FAM72B: variants seen among roughly 807,000 people sequenced by gnomAD.
FAM72B encodes protein FAM72B.
Under a neutral mutation model 12.6 loss-of-function variants are expected in FAM72B, and 4 were observed. That is an observed-to-expected ratio of 0.32 (90% CI 0.16 to 0.73). The LOEUF is 0.73. FAM72B is among the 30% of genes least tolerant of loss of function. The pLI, the probability that FAM72B is intolerant of heterozygous loss-of-function variation, is 0.67. For missense variants in FAM72B, 61 were observed against 158.4 expected (o/e 0.39, Z 3.30); for synonymous variants, 13 against 53.9 (o/e 0.24, Z 3.32).
intron 2 of FAM72B, among the ~76,000 whole-genome samples, chr1:121,180,023 C>T (rs1330793816): frequency 1.1e-5 from 1 of 88,322 alleles, no homozygotes; most frequent in Non-Finnish European, 2.0e-5. Context: ...TTAGGATTGT[C>T]ATTTATAATA....
chr1:121,168,483 TC>T lies in FAM72B; in HGVS notation c.*257del, dbSNP rs1654017245. ...AACTGAGTGATATGTGAAAGAATCT[TC>T]CCGTCTGAATTTAAGAATACACCTA... On this transcript the variant is annotated 3_prime_UTR_variant, in exon 4 of 4. Transcript: ENST00000369390. 1 of 279,302 alleles carries T rather than the reference TC, an allele frequency of 3.6e-6. No individual in the cohort carries two copies. Among genetic ancestry groups the T allele is most frequent in the Non-Finnish European group, 6.7e-6 (1 of 149,248 alleles). 17.3% of individuals were successfully genotyped at this position (279,302 alleles called of 1,614,324 possible).
intron 2 of FAM72B, among the ~76,000 whole-genome samples, chr1:121,180,985 T>C (rs1450970664): frequency 3.3e-5 from 5 of 152,198 alleles, no homozygotes; most frequent in African/African-American, 4.8e-5. Flanking sequence ...AAACATGGTT[T>C]TTATTATTGT....
In FAM72B at chr1:121,179,780, A is replaced by T. The variant is rs1419449063; in HGVS notation, c.230+1491T>A. On this transcript the variant is annotated intron_variant, in intron 2 of 3. Transcript: ENST00000369390. ...GAGGCGGAGGTTGCAGTAAGCTGAG[A>T]TCGTGCCACTGCACTCTAGCCTGGG... 7.0e-5 allele frequency among the ~76,000 whole-genome samples: 10 copies of T among 143,532 alleles called. No individual in the cohort carries two copies. The East Asian group carries it at 2.1e-3, about 30-fold the overall frequency. 94.2% of individuals were successfully genotyped at this position (143,532 alleles called of 152,430 possible). A position where few individuals can be genotyped will look rare whatever the true frequency, so the allele number is the denominator to read the frequency against.
intron 2 of FAM72B, among the ~76,000 whole-genome samples, chr1:121,179,336 C>T (rs1291414082): frequency 1.3e-5 from 2 of 151,994 alleles, no homozygotes; most frequent in Non-Finnish European, 2.9e-5. Context: ...CAAGATCATG[C>T]CATTGCACTC....
intron 3 of FAM72B, among the ~76,000 whole-genome samples, chr1:121,170,164 T>A (rs1175224937): frequency 2.0e-5 from 3 of 150,622 alleles, no homozygotes; most frequent in Non-Finnish European, 4.4e-5. Flanking sequence ...AGAGATGGGG[T>A]TTCACCACGT....
intron 3 of FAM72B, among the ~76,000 whole-genome samples, chr1:121,170,182 G>T (rs1315920763): frequency 6.7e-6 from 1 of 149,530 alleles, no homozygotes; most frequent in African/African-American, 2.5e-5. Flanking sequence ...CGTTGGTCAG[G>T]GTGGTCTTGA....
chr1:121,183,675 T>C lies in FAM72B; in HGVS notation c.-186A>G. On this transcript the variant is annotated 5_prime_UTR_variant, in exon 1 of 4. Transcript: ENST00000369390. ...GGTGGCGGAGTAGAAGAAGTATTTA[T>C]TGAGTAGGAACAGGGGAGCGTGGCA... 1.1e-6 allele frequency: 1 copy of C among 937,298 alleles called. No homozygotes were observed. Among genetic ancestry groups the C allele is most frequent in the Non-Finnish European group, 1.6e-6 (1 of 634,172 alleles). 58.1% of individuals were successfully genotyped at this position (937,298 alleles called of 1,614,324 possible). A position where few individuals can be genotyped will look rare whatever the true frequency, so the allele number is the denominator to read the frequency against.
At chr1:121,179,827 TAAA>T (rs1278412357) in intron 2 of FAM72B, among the ~76,000 whole-genome samples, 1 of 123,516 alleles carries the variant, frequency 8.1e-6, no homozygotes, top group Non-Finnish European at 1.7e-5. Flanking sequence ...AACTCCGTCT[TAAA>T]AAAAAAAAAA....
At position 121,168,776 on chromosome 1, in the gene FAM72B, C is replaced by T. The variant is rs782083122; in HGVS notation, c.415G>A (p.Val139Met). The T allele has an allele frequency of 1.2e-6, 2 of 1,604,574 alleles. No homozygotes were observed. Among genetic ancestry groups the T allele is most frequent in the East Asian group, 4.5e-5 (2 of 44,730 alleles). The change falls in exon 4 of 4, where the codon GTG becomes ATG. Residue 139 changes from valine (V) to methionine (M), a missense_variant. Transcript: ENST00000369390. The stretch of plus-strand genomic sequence containing the variant: ...CACTCCTCTGCTGAGATATTTAACA[C>T]ATCTTCATCTGTACTCTCTTCTATC... ...PEIEESTDED[V>M]LNISAEECIR
Position 121,183,403 on chromosome 1 carries a change from TC to T in FAM72B, c.86del (p.Gly29GlufsTer2), listed in dbSNP as rs1654377943. ...TATCAGCCAGCAAAACAGCCTTCAT[TC>T]CCCTAGAGCTGAGCACTTGTTTACA... ...KFCKQVLSSR[G>X]MKAVLLADTE... On this transcript the variant is annotated frameshift_variant, in exon 1 of 4. Transcript: ENST00000369390. LOFTEE classifies it high-confidence loss of function. 6.5e-7 allele frequency: 1 copy of T among 1,530,260 alleles called. No homozygotes were observed. Among genetic ancestry groups the T allele is most frequent in the African/African-American group, 1.7e-5 (1 of 59,544 alleles). The allele number at this position is 1,530,260 out of a possible 1,614,324, so 94.8% of individuals were successfully genotyped here. A position where few individuals can be genotyped will look rare whatever the true frequency, so the allele number is the denominator to read the frequency against.
chr1:121,177,276 CAGGA>C lies in FAM72B; in HGVS notation c.283_286del (p.Ser95AlafsTer20), dbSNP rs2101325942. On this transcript the variant is annotated frameshift_variant, in exon 3 of 4. Coordinates refer to ENST00000369390, the MANE Select transcript of FAM72B (RefSeq NM_001100910.2). LOFTEE classifies it high-confidence loss of function. ...AAACATCCAGAAGTGTCCGTTGTTGCAGGAAGGAAGACAGGAACTACATGGAACA... is the reference window on the plus strand; with the variant it reads ...AAACATCCAGAAGTGTCCGTTGTTGCAGGAAGACAGGAACTACATGGAACA... 6.2e-7 allele frequency: 1 copy of C among 1,611,744 alleles called. No homozygotes were observed. Among genetic ancestry groups the C allele is most frequent in the African/African-American group, 1.3e-5 (1 of 74,862 alleles).
At chr1:121,170,052 C>A (rs184107015) in intron 3 of FAM72B, among the ~76,000 whole-genome samples, 13 of 152,152 alleles carry the variant, frequency 8.5e-5, no homozygotes, top group Admixed American at 7.2e-4. Context: ...CTCACTGCAA[C>A]CTCTGCCTCC....
chr1:121,180,853 C>T (rs1553317539), intron 2 of FAM72B, among the ~76,000 whole-genome samples: 1 of 152,008 alleles, frequency 6.6e-6, no homozygotes, highest in Non-Finnish European at 1.5e-5. Context: ...TATGAGACCC[C>T]TCTAAAAACA....
intron 3 of FAM72B, among the ~76,000 whole-genome samples, chr1:121,172,749 T>G (rs1424131874): frequency 1.4e-5 from 1 of 71,810 alleles, no homozygotes; most frequent in Non-Finnish European, 2.5e-5. Context: ...GGTGACAGAA[T>G]GACTCCATCT....
intron 2 of FAM72B, among the ~76,000 whole-genome samples, chr1:121,180,423 C>T (rs1240120646): frequency 3.0e-5 from 4 of 133,590 alleles, no homozygotes; most frequent in African/African-American, 1.2e-4. Flanking sequence ...GTGGTGCGTG[C>T]ATGTAATCCC....
In FAM72B at chr1:121,168,684, C is replaced by T; in HGVS notation, c.*57G>A. The T allele has an allele frequency of 7.9e-7, 1 of 1,270,282 alleles. No individual in the cohort carries two copies. Among genetic ancestry groups the T allele is most frequent in the Non-Finnish European group, 1.0e-6 (1 of 968,244 alleles). 78.7% of individuals were successfully genotyped at this position (1,270,282 alleles called of 1,614,324 possible). On this transcript the variant is annotated 3_prime_UTR_variant, in exon 4 of 4. Coordinates refer to ENST00000369390, the MANE Select transcript of FAM72B (RefSeq NM_001100910.2). The stretch of plus-strand genomic sequence containing the variant: ...GCAACTAACAATTTTAAAGTTGATC[C>T]ATTAATATATTTTTAAATAGAAAAA...
chr1:121,170,037 C>G (rs1553315990), intron 3 of FAM72B, among the ~76,000 whole-genome samples: 3 of 151,984 alleles, frequency 2.0e-5, no homozygotes, highest in African/African-American at 7.3e-5. Flanking sequence ...GTGGTGTAAT[C>G]TTGGCTCACT....
At chr1:121,169,714 C>T (rs1162127884) in intron 3 of FAM72B, among the ~76,000 whole-genome samples, 7 of 151,868 alleles carry the variant, frequency 4.6e-5, no homozygotes, top group African/African-American at 1.7e-4. Flanking sequence ...ACAGGCAGAG[C>T]TTTAAACTGA....
chr1:121,173,184 A>ACTT (rs1654139671), intron 3 of FAM72B, among the ~76,000 whole-genome samples: 1 of 125,534 alleles, frequency 8.0e-6, no homozygotes, highest in African/African-American at 3.2e-5. Flanking sequence ...TACTAAAATA[A>ACTT]TTTTTTTTTT....
Sources: allele counts gnomAD v4.1 joint callset (sites outside exome capture counted in the v4.1 genomes callset), GRCh38; gene constraint gnomAD v4.1.1; transcripts MANE v1.5; gene names NCBI Gene and HGNC (gene_info 2026-07-23, HGNC 2026-07-21).